Variants in MAP3K9 observed in about 807,000 individuals in gnomAD.
MAP3K9 encodes mitogen-activated protein kinase kinase kinase 9.
Under a neutral mutation model 95.8 loss-of-function variants are expected in MAP3K9, and 46 were observed. The ratio of observed to expected loss-of-function variants is 0.48; its 90% CI spans 0.38 to 0.61. MAP3K9 has a LOEUF of 0.61. Among genes scored for constraint, MAP3K9 ranks in the 20% least tolerant of loss-of-function variants. MAP3K9 has a pLI of 0.00. For synonymous variants in MAP3K9, 533 were observed against 593.8 expected (o/e 0.90, Z 1.49); for missense variants, 1,296 against 1,474.3 (o/e 0.88, Z 1.98).
intron 10 of MAP3K9, chr14:70,733,627 T>C (rs2053944493): frequency 4.4e-6 from 3 of 676,502 alleles, no homozygotes; most frequent in Admixed American, 4.5e-5. Flanking sequence ...TGATAGTGAC[T>C]TGGGTATCCA....
Position 70,725,284 on chromosome 14 carries a change from C to T in MAP3K9, c.*5096G>A, listed in dbSNP as rs2053805165. The T allele has an allele frequency of 6.6e-6, 1 of 152,216 alleles. No individual in the cohort carries two copies. The allele number at this position is 152,216 out of a possible 1,614,324, so 9.4% of individuals were successfully genotyped here. The stretch of plus-strand genomic sequence containing the variant: ...GGCTCCCTAGGCAGCCTACAGAGGC[C>T]CCCGTACTTCCAGGGCCCAAGACGG... On this transcript the variant is annotated 3_prime_UTR_variant, in exon 12 of 12. Coordinates refer to ENST00000554752, the MANE Select transcript of MAP3K9 (RefSeq NM_001284230.2).
Position 70,733,170 on chromosome 14 carries a change from C to G in MAP3K9, c.2199G>C (p.Leu733=). The G allele has an allele frequency of 2.5e-6, 4 of 1,611,668 alleles. No homozygotes were observed. The highest frequency in any genetic ancestry group is 3.4e-6 in the Non-Finnish European group (4 of 1,178,270). ...PVNSATSTPQ[L]TPTNSLKRGG... The stretch of plus-strand genomic sequence containing the variant: ...CCCGCTTGAGGCTGTTGGTTGGCGT[C>G]AGCTGAGGGGTACTCGTGGCCGAGT... Residue 733 remains leucine, a synonymous_variant, in exon 11 of 12, where the codon CTG becomes CTC. Transcript: ENST00000554752.
chr14:70,750,862 A>T (rs1418934609), intron 3 of MAP3K9, among the ~76,000 whole-genome samples: 1 of 152,194 alleles, frequency 6.6e-6, no homozygotes, highest in African/African-American at 2.4e-5. Flanking sequence ...CTGTTTTAAG[A>T]AAACTTCAGC....
In MAP3K9 at chr14:70,736,005, A is replaced by C; in HGVS notation, c.1869T>G (p.Ala623=). The C allele has an allele frequency of 3.7e-6, 6 of 1,613,546 alleles. No homozygotes were observed. The highest frequency in any genetic ancestry group is 5.1e-6 in the Non-Finnish European group (6 of 1,179,470). Reference sequence around the variant, plus strand: ...ATTCTGATGGGGTACTTAAACCATTAGCTTTCTCACGTCTCTGAGGGGATC... The same window carrying C: ...ATTCTGATGGGGTACTTAAACCATTCGCTTTCTCACGTCTCTGAGGGGATC... The part of the protein sequence containing the change: ...DEGSPQRREK[A]NGLSTPSESP... Residue 623 remains alanine, a synonymous_variant, in exon 9 of 12, where the codon GCT becomes GCG. Coordinates refer to ENST00000554752, the MANE Select transcript of MAP3K9 (RefSeq NM_001284230.2).
intron 1 of MAP3K9, among the ~76,000 whole-genome samples, chr14:70,806,713 G>A (rs1360817044): frequency 6.6e-6 from 1 of 152,178 alleles, no homozygotes; most frequent in Non-Finnish European, 1.5e-5. Flanking sequence ...GACTGCTCTA[G>A]CAGCCAGAGC....
chr14:70,805,796 T>G (rs545923625), intron 1 of MAP3K9, among the ~76,000 whole-genome samples: 2 of 152,278 alleles, frequency 1.3e-5, no homozygotes, highest in Admixed American at 1.3e-4. Context: ...CATGGTGGCA[T>G]GCGCCTCTGG....
chr14:70,767,041 C>T (rs913661239), intron 2 of MAP3K9, among the ~76,000 whole-genome samples: 2 of 152,086 alleles, frequency 1.3e-5, no homozygotes, highest in Non-Finnish European at 1.5e-5. Context: ...CTTCTGGAAC[C>T]TATGCCATGT....
chr14:70,725,849 CA>C lies in MAP3K9; in HGVS notation c.*4530del, dbSNP rs1279826355. On this transcript the variant is annotated 3_prime_UTR_variant, in exon 12 of 12. Transcript: ENST00000554752. Reference sequence around the variant, plus strand: ...TATATTTCACACACACACACACACACACTTTTCTGCACCAAGGGAAGCAATC... The same window carrying C: ...TATATTTCACACACACACACACACACCTTTTCTGCACCAAGGGAAGCAATC... 9.2e-5 allele frequency: 14 copies of C among 152,168 alleles called. No individual in the cohort carries two copies. The highest frequency in any genetic ancestry group is 3.4e-4 in the African/African-American group (14 of 41,482). 9.4% of individuals were successfully genotyped at this position (152,168 alleles called of 1,614,324 possible). A position where few individuals can be genotyped will look rare whatever the true frequency, so the allele number is the denominator to read the frequency against.
Position 70,748,120 on chromosome 14 carries a change from AT to A in MAP3K9, c.1326+708del, listed in dbSNP as rs1453892881. Among the ~76,000 whole-genome samples, 56 of 148,926 alleles carry A rather than the reference AT, an allele frequency of 3.8e-4. 11 individuals carry two copies. The highest frequency in any genetic ancestry group is 4.0e-4 in the Admixed American group (6 of 14,988). ...AGACTGTCTCAAAAAAAAAAAAAAA[AT>A]GGTAAAAGAAATTAACCAAATCTAT... On this transcript the variant is annotated intron_variant, in intron 5 of 11. Coordinates refer to ENST00000554752, the MANE Select transcript of MAP3K9 (RefSeq NM_001284230.2).
intron 2 of MAP3K9, among the ~76,000 whole-genome samples, chr14:70,768,090 G>A (rs1214189367): frequency 6.6e-6 from 1 of 152,074 alleles, no homozygotes; most frequent in Non-Finnish European, 1.5e-5. Context: ...GTATTTGATA[G>A]CACAACAGGG....
intron 5 of MAP3K9, among the ~76,000 whole-genome samples, chr14:70,744,308 G>T (rs2054116649): frequency 6.6e-6 from 1 of 151,830 alleles, no homozygotes; most frequent in South Asian, 2.1e-4. Context: ...TGCACATTCT[G>T]CATATGTACC....
chr14:70,740,969 G>A (rs943931756), intron 6 of MAP3K9, among the ~76,000 whole-genome samples: 3 of 152,170 alleles, frequency 2.0e-5, no homozygotes, highest in Non-Finnish European at 4.4e-5. Flanking sequence ...AGCAAACACG[G>A]CTCATAAACA....
chr14:70,785,972 T>C (rs2054740680), intron 2 of MAP3K9, among the ~76,000 whole-genome samples: 1 of 152,218 alleles, frequency 6.6e-6, no homozygotes, highest in Non-Finnish European at 1.5e-5. Flanking sequence ...CCATACTCTT[T>C]CTACTACCTC....
intron 9 of MAP3K9, among the ~76,000 whole-genome samples, chr14:70,734,889 C>T (rs1256440944): frequency 6.6e-6 from 1 of 152,252 alleles, no homozygotes; most frequent in Non-Finnish European, 1.5e-5. Flanking sequence ...TACGGTGATG[C>T]AAAGACCTGC....
At chr14:70,764,402 A>C (rs1275384563) in intron 2 of MAP3K9, among the ~76,000 whole-genome samples, 1 of 151,590 alleles carries the variant, frequency 6.6e-6, no homozygotes, top group African/African-American at 2.4e-5. Context: ...TTAGTTTTTA[A>C]CAAAAAAGTT....
chr14:70,757,550 A>C (rs1175885260), intron 3 of MAP3K9, among the ~76,000 whole-genome samples: 1 of 152,212 alleles, frequency 6.6e-6, no homozygotes, highest in Non-Finnish European at 1.5e-5. Flanking sequence ...TGTATAAATT[A>C]ACAAAATTAC....
rs999475384 is a variant in MAP3K9 at position 70,733,106 on chromosome 14, C to T, written c.2263G>A (p.Gly755Ser). Residue 755 changes from glycine (G) to serine (S), a missense_variant, in exon 11 of 12, where the codon GGC (glycine) becomes AGC (serine). By Grantham distance (56) the Gly-to-Ser change is moderately conservative (BLOSUM62 0). Coordinates refer to ENST00000554752, the MANE Select transcript of MAP3K9 (RefSeq NM_001284230.2). ...GTGGCTGCCAGAACAGCCCCACAGC[C>T]GAGCAGAGCCACCTCGCAGCGGCGG... ...HHRRCEVALL[G>S]CGAVLAATGL... 6.2e-7 allele frequency: 1 copy of T among 1,614,060 alleles called. No homozygotes were observed. The highest frequency in any genetic ancestry group is 2.2e-5 in the East Asian group (1 of 44,870).
At chr14:70,805,587 CT>C (rs1262666097) in intron 1 of MAP3K9, among the ~76,000 whole-genome samples, 2 of 152,088 alleles carry the variant, frequency 1.3e-5, no homozygotes, top group African/African-American at 4.8e-5. Context: ...TATATGTTTT[CT>C]TTGTCATAAT....
At chr14:70,733,395 G>T in intron 10 of MAP3K9, 53 bp from the exon 11 acceptor site, 1 of 817,366 alleles carries the variant, frequency 1.2e-6, no homozygotes, top group Non-Finnish European at 1.9e-6. Flanking sequence ...TGAGGTGGCA[G>T]GAATAAGAAT....
Sources: gnomAD v4.1 joint callset for allele counts (sites outside exome capture counted in the v4.1 genomes callset) on GRCh38, gnomAD v4.1.1 for gene constraint, MANE v1.5 for transcripts, NCBI Gene and HGNC (gene_info 2026-07-23, HGNC 2026-07-21) for gene names.